The following LTBP1 variants were observed in gnomAD, a reference collection of about 807,000 sequenced individuals.
The protein encoded by LTBP1 is latent-transforming growth factor beta-binding protein 1.
A neutral mutation model predicts 207.6 loss-of-function variants in LTBP1; 129 were observed. That is an observed-to-expected ratio of 0.62 (90% CI 0.54 to 0.72). LTBP1 has a LOEUF of 0.72. Among genes scored for constraint, LTBP1 ranks in the 30% least tolerant of loss-of-function variants. The pLI is 0.00. For synonymous variants in LTBP1, 963 were observed against 833.7 expected (o/e 1.16, Z -2.67); for missense variants, 2,281 against 2,217.2 (o/e 1.03, Z -0.58).
In LTBP1 at chr2:32,994,939, C is replaced by G. The variant is rs115270685; in HGVS notation, c.566-25970C>G. ...GCTTGGTGGCTTATGCCTATAACCCCAATAACTCAGGAGGCTGAGGTGGGA... is the reference window on the plus strand; with the variant it reads ...GCTTGGTGGCTTATGCCTATAACCCGAATAACTCAGGAGGCTGAGGTGGGA... On this transcript the variant is annotated intron_variant, in intron 2 of 33. Coordinates refer to ENST00000404816, the MANE Select transcript of LTBP1 (RefSeq NM_206943.4). 3.2e-3 allele frequency among the ~76,000 whole-genome samples: 481 copies of G among 152,232 alleles called. 2 individuals are homozygous for G. Among genetic ancestry groups the G allele is most frequent in the African/African-American group, 0.011 (460 of 41,538 alleles).
intron 5 of LTBP1, among the ~76,000 whole-genome samples, chr2:33,181,463 C>T (rs541243565): frequency 6.6e-6 from 1 of 152,312 alleles, no homozygotes; most frequent in South Asian, 2.1e-4. Context: ...GCTTGTTGTT[C>T]TTCCAGCATG....
intron 24 of LTBP1, among the ~76,000 whole-genome samples, chr2:33,316,264 G>A (rs1268804022): frequency 6.6e-6 from 1 of 152,022 alleles, no homozygotes; most frequent in Non-Finnish European, 1.5e-5. Context: ...TGAGAATCTA[G>A]ATTATTGAAA....
At chr2:33,044,965 T>G (rs190281379) in intron 3 of LTBP1, among the ~76,000 whole-genome samples, 2,354 of 152,080 alleles carry the variant, frequency 0.015, 64 homozygotes, top group African/African-American at 0.054. Flanking sequence ...GTTGTTTGGT[T>G]TTTTTTTCAT....
chr2:33,100,529 A>T (rs926028931), intron 3 of LTBP1, among the ~76,000 whole-genome samples: 5 of 151,988 alleles, frequency 3.3e-5, no homozygotes, highest in Non-Finnish European at 7.4e-5. Flanking sequence ...TGTAGTTTTA[A>T]AAAATTTTTG....
rs527650204 is a variant in LTBP1, at chr2:33,076,381, GT to G, written c.864-34200del. ...GAGGAAGGAGAGGTCTCAAGGAGAG[GT>G]GAAGGAAGGATTAATCTCATCTTGT... On this transcript the variant is annotated intron_variant, in intron 3 of 33. Coordinates refer to ENST00000404816, the MANE Select transcript of LTBP1 (RefSeq NM_206943.4). Among the ~76,000 whole-genome samples, 114 of 152,242 alleles carry G rather than the reference GT, an allele frequency of 7.5e-4. 2 individuals carry two copies. The highest frequency in any genetic ancestry group is 2.7e-3 in the African/African-American group (111 of 41,542).
At chr2:32,953,441 C>T (rs974841629) in intron 2 of LTBP1, among the ~76,000 whole-genome samples, 5 of 152,182 alleles carry the variant, frequency 3.3e-5, no homozygotes, top group Non-Finnish European at 5.9e-5. Flanking sequence ...GCTAGGAGGG[C>T]CACCCCGGCC....
At chr2:33,165,684 C>T (rs2084852344) in intron 5 of LTBP1, among the ~76,000 whole-genome samples, 1 of 152,208 alleles carries the variant, frequency 6.6e-6, no homozygotes, top group Admixed American at 6.5e-5. Context: ...GATTTTGTTG[C>T]ACCCAGGAAT....
chr2:33,103,235 C>T (rs571683022), intron 3 of LTBP1, among the ~76,000 whole-genome samples: 6 of 150,622 alleles, frequency 4.0e-5, no homozygotes, highest in South Asian at 4.2e-4. Flanking sequence ...CTGCTGTATG[C>T]GCTGTCTGTA....
At chr2:33,053,249 T>G (rs544666032) in intron 3 of LTBP1, among the ~76,000 whole-genome samples, 123 of 152,266 alleles carry the variant, frequency 8.1e-4, no homozygotes, top group African/African-American at 2.8e-3. Flanking sequence ...CTATATACCC[T>G]GGCCCCTGCA....
At chr2:33,334,632 AT>A (rs1276166425) in intron 24 of LTBP1, among the ~76,000 whole-genome samples, 1 of 152,146 alleles carries the variant, frequency 6.6e-6, no homozygotes, top group Non-Finnish European at 1.5e-5. Context: ...GATATATGTG[AT>A]TTTTAGGATG....
intron 15 of LTBP1, among the ~76,000 whole-genome samples, chr2:33,268,569 C>T (rs577569296): frequency 1.3e-5 from 2 of 152,248 alleles, no homozygotes; most frequent in South Asian, 2.1e-4. Context: ...CTTGGTGGCT[C>T]GCAACATTAT....
intron 3 of LTBP1, among the ~76,000 whole-genome samples, chr2:33,089,155 C>CAAAAAAAAA (rs61009791): frequency 3.1e-5 from 3 of 96,410 alleles, no homozygotes; most frequent in African/African-American, 1.1e-4. Flanking sequence ...GACTCAGTCT[C>CAAAAAAAAA]AAAAAAAAAA....
At chr2:33,340,424 G>A (rs1216803270) in intron 24 of LTBP1, among the ~76,000 whole-genome samples, 2 of 152,116 alleles carry the variant, frequency 1.3e-5, no homozygotes, top group Admixed American at 1.3e-4. Context: ...CGGGAGCCTT[G>A]GCAGACACCC....
At chr2:33,251,014 C>T (rs115808776) in intron 10 of LTBP1, among the ~76,000 whole-genome samples, 5,119 of 152,224 alleles carry the variant, frequency 0.034, 101 homozygotes, top group African/African-American at 0.043. Context: ...TCACTGCTGG[C>T]ACCTAAGCAA....
chr2:33,131,969 T>C (rs1310020779), intron 4 of LTBP1, among the ~76,000 whole-genome samples: 3 of 152,206 alleles, frequency 2.0e-5, no homozygotes, highest in East Asian at 1.9e-4. Flanking sequence ...CTTGCTTTCT[T>C]TGGATGTCTC....
At chr2:33,141,607 T>C (rs1201125697) in intron 5 of LTBP1, among the ~76,000 whole-genome samples, 1 of 151,960 alleles carries the variant, frequency 6.6e-6, no homozygotes, top group African/African-American at 2.4e-5. Flanking sequence ...ATGGGGAGTG[T>C]TGGTGGAAGG....
intron 9 of LTBP1, among the ~76,000 whole-genome samples, chr2:33,224,010 C>G (rs1389226155): frequency 1.3e-5 from 2 of 152,180 alleles, no homozygotes; most frequent in South Asian, 2.1e-4. Flanking sequence ...AAGGCTGAGA[C>G]GTAATTCCTT....
intron 2 of LTBP1, among the ~76,000 whole-genome samples, chr2:32,963,146 C>A (rs1174833927): frequency 6.6e-6 from 1 of 152,202 alleles, no homozygotes; most frequent in African/African-American, 2.4e-5. Flanking sequence ...TCATTTTCCC[C>A]AGTTTCAGAT....
At chr2:33,095,746 A>G (rs762273237) in intron 3 of LTBP1, among the ~76,000 whole-genome samples, 128 of 152,126 alleles carry the variant, frequency 8.4e-4, no homozygotes, top group Non-Finnish European at 1.6e-3. Flanking sequence ...TTTTAATAGA[A>G]AAATAGAAAA....
Sources: allele counts gnomAD v4.1 joint callset (sites outside exome capture counted in the v4.1 genomes callset), GRCh38; gene constraint gnomAD v4.1.1; transcripts MANE v1.5; gene names NCBI Gene and HGNC (gene_info 2026-07-23, HGNC 2026-07-21).